The following NMI variants were observed in gnomAD, a reference collection of about 807,000 sequenced individuals.
NMI encodes N-myc and STAT interactor.
In NMI, 39 loss-of-function variants were observed where a neutral mutation model predicts 34.3. That is an observed-to-expected ratio of 1.14 (90% CI 0.88 to 1.49). The LOEUF is 1.49. NMI is among the 40% of genes most tolerant of loss of function. NMI has a pLI of 0.00. For missense variants in NMI, 339 were observed against 358.1 expected (o/e 0.95, Z 0.43); for synonymous variants, 113 against 120.3 (o/e 0.94, Z 0.40).
At position 151,285,356 on chromosome 2, in the gene NMI, GAGATAGATAGATAGATAGAT is replaced by G. The variant is rs71403153; in HGVS notation, c.-6-2422_-6-2403del. Among the ~76,000 whole-genome samples the G allele has an allele frequency of 4.7e-3, 692 of 147,612 alleles. 10 individuals are homozygous for G. The East Asian group carries it at 0.057, about 12-fold the overall frequency. On this transcript the variant is annotated intron_variant, in intron 1 of 7. Coordinates refer to ENST00000243346, the MANE Select transcript of NMI (RefSeq NM_004688.3). ...CAGCTGTGGTTTCTGATTGATGATT[GAGATAGATAGATAGATAGAT>G]AGATAGATAGATAGATAGATAGATA...
rs1278902304 is a variant in NMI at position 151,275,593 on chromosome 2, G to A, written c.525C>T (p.Asp175=). 6.2e-7 allele frequency: 1 copy of A among 1,614,134 alleles called. No individual in the cohort carries two copies. The highest frequency in any genetic ancestry group is 1.7e-5 in the Admixed American group (1 of 60,024). ...ACTTTGAAAAGCTCAGCTCTAGTTT[G>A]TCTCTCATTTGATCTTCACGCAATG... ...PDTLREDQMR[D]KLELSFSKSR... is the part of the protein sequence containing the mutation. The change falls in exon 6 of 8, where the codon GAC becomes GAT. Residue 175 remains aspartate, a synonymous_variant. Coordinates refer to ENST00000243346, the MANE Select transcript of NMI (RefSeq NM_004688.3).
Position 151,273,115 on chromosome 2 carries a change from T to TA in NMI, c.635-1384dup, listed in dbSNP as rs79100114. The stretch of plus-strand genomic sequence containing the variant: ...TATGTTATATATATTTTATCACAGT[T>TA]AAAAAAAAAAAAAAGAGTACAGGTC... On this transcript the variant is annotated intron_variant, in intron 6 of 7. Transcript: ENST00000243346. 3.4e-3 allele frequency among the ~76,000 whole-genome samples: 494 copies of TA among 146,114 alleles called. 1 individual carries two copies. Among genetic ancestry groups the TA allele is most frequent in the African/African-American group, 8.9e-3 (352 of 39,520 alleles).
chr2:151,270,589 T>C lies in NMI; in HGVS notation c.*104A>G. ...TTTGTATCTAAACATAAATGGATGG[T>C]AAAAATTAAAGTTTTCATTTTTTAA... is the stretch of plus-strand genomic sequence containing the variant. On this transcript the variant is annotated 3_prime_UTR_variant, in exon 8 of 8. Coordinates refer to ENST00000243346, the MANE Select transcript of NMI (RefSeq NM_004688.3). The C allele has an allele frequency of 2.2e-6, 2 of 907,854 alleles. No homozygotes were observed. The highest frequency in any genetic ancestry group is 2.2e-4 in the Middle Eastern group (1 of 4,506). The allele number at this position is 907,854 out of a possible 1,614,324, so 56.2% of individuals were successfully genotyped here. A position where few individuals can be genotyped will look rare whatever the true frequency, so the allele number is the denominator to read the frequency against.
chr2:151,284,851 A>G (rs927253680), intron 1 of NMI, among the ~76,000 whole-genome samples: 6 of 152,226 alleles, frequency 3.9e-5, no homozygotes, highest in Non-Finnish European at 7.3e-5. Context: ...GAAATAAAAG[A>G]CATCTATTCC....
At chr2:151,279,747 A>G (rs1274536932) in intron 3 of NMI, among the ~76,000 whole-genome samples, 1 of 152,112 alleles carries the variant, frequency 6.6e-6, no homozygotes, top group Admixed American at 6.6e-5. Flanking sequence ...AAGCGCTGGG[A>G]TTACAGGCGT....
chr2:151,283,295 C>G (rs904187158), intron 1 of NMI, among the ~76,000 whole-genome samples: 2 of 152,054 alleles, frequency 1.3e-5, no homozygotes, highest in Non-Finnish European at 2.9e-5. Context: ...GTACCTGCCA[C>G]CATGCCCGGC....
intron 3 of NMI, 102 bp downstream of exon 3, chr2:151,281,846 T>C: frequency 1.5e-6 from 1 of 687,926 alleles, no homozygotes; most frequent in Non-Finnish European, 2.6e-6. Context: ...GTGCCATGGA[T>C]GATGATAAGG....
At chr2:151,279,830 C>A (rs938241183) in intron 3 of NMI, among the ~76,000 whole-genome samples, 8 of 152,082 alleles carry the variant, frequency 5.3e-5, no homozygotes, top group African/African-American at 1.9e-4. Flanking sequence ...TTCCCCAACA[C>A]CTGCCCATCA....
At chr2:151,272,511 T>C (rs540674211) in intron 6 of NMI, among the ~76,000 whole-genome samples, 13 of 152,138 alleles carry the variant, frequency 8.5e-5, no homozygotes, top group Non-Finnish European at 1.6e-4. Context: ...TAGAAAACAG[T>C]ATGACAGTTC....
At chr2:151,275,355 T>C in intron 6 of NMI, 129 bp downstream of exon 6, 1 of 822,176 alleles carries the variant, frequency 1.2e-6, no homozygotes, top group Non-Finnish European at 1.9e-6. Flanking sequence ...TTTTATAAGG[T>C]TTTTTAAAAT....
chr2:151,277,370 T>C (rs1683308968), intron 4 of NMI: 1 of 152,254 alleles, frequency 6.6e-6, no homozygotes. Context: ...CATCTGGTGA[T>C]CTGATACAGC....
chr2:151,283,049 A>G, intron 1 of NMI, 95 bp from the exon 2 acceptor site: 1 of 545,352 alleles, frequency 1.8e-6, no homozygotes, highest in South Asian at 4.3e-5. Context: ...TGGAAGAAAC[A>G]TCTCTTCTTT....
At chr2:151,270,898 T>C (rs1016866994) in intron 7 of NMI, 23 bp from the exon 8 acceptor site, 1 of 1,563,794 alleles carries the variant, frequency 6.4e-7, no homozygotes, top group Non-Finnish European at 8.8e-7. Flanking sequence ...AAATGATAAA[T>C]AGAAAGATTT....
chr2:151,274,969 C>T (rs969972700), intron 6 of NMI, among the ~76,000 whole-genome samples: 1 of 151,986 alleles, frequency 6.6e-6, no homozygotes, highest in African/African-American at 2.4e-5. Context: ...CAGCCTCAAC[C>T]TCCTGGCCTC....
chr2:151,288,774 T>C (rs557495981), intron 1 of NMI: 3 of 152,136 alleles, frequency 2.0e-5, no homozygotes, highest in Non-Finnish European at 4.4e-5. Context: ...AGAAAGGCAA[T>C]AGAACGTCTG....
intron 6 of NMI, 41 bp downstream of exon 6, chr2:151,275,443 A>C (rs1167954907): frequency 1.3e-6 from 2 of 1,543,320 alleles, no homozygotes; most frequent in Non-Finnish European, 1.8e-6. Flanking sequence ...AACATGACTG[A>C]AATGGCAGAG....
intron 4 of NMI, among the ~76,000 whole-genome samples, chr2:151,276,093 C>T (rs1380971371): frequency 6.6e-6 from 1 of 152,138 alleles, no homozygotes; most frequent in Non-Finnish European, 1.5e-5. Context: ...CATTCTGTCA[C>T]TGAAGCTGGA....
intron 6 of NMI, among the ~76,000 whole-genome samples, chr2:151,273,217 C>A (rs1683218882): frequency 6.6e-6 from 1 of 151,740 alleles, no homozygotes. Flanking sequence ...TGCTTGACTT[C>A]TTAAAGCCTC....
Position 151,271,656 on chromosome 2 carries a change from T to C in NMI, c.711A>G (p.Pro237=). 6.4e-7 allele frequency: 1 copy of C among 1,570,820 alleles called. No individual in the cohort carries two copies. Among genetic ancestry groups the C allele is most frequent in the Non-Finnish European group, 8.8e-7 (1 of 1,142,148 alleles). The part of the protein sequence containing the change: ...NQTCHRVTVS[P]YTEIHLKKYQ... ...ACTTTTTCAAGTGTATTTCTGTGTA[T>C]GGAGAAACAGTAACTCTATGGCAGG... is the stretch of plus-strand genomic sequence containing the variant. The change falls in exon 7 of 8, where the codon CCA becomes CCG. Residue 237 remains proline, a synonymous_variant. Transcript: ENST00000243346.
Sources: gnomAD v4.1 joint callset for allele counts (sites outside exome capture counted in the v4.1 genomes callset) on GRCh38, gnomAD v4.1.1 for gene constraint, MANE v1.5 for transcripts, NCBI Gene and HGNC (gene_info 2026-07-23, HGNC 2026-07-21) for gene names.